DCC: variants seen among roughly 807,000 people sequenced by gnomAD.
The protein encoded by DCC is DCC netrin 1 receptor.
A neutral mutation model predicts 172.5 loss-of-function variants in DCC; 58 were observed. The observed-to-expected ratio is 0.34, with a 90% CI of 0.27 to 0.42. The LOEUF is 0.42. DCC is among the 10% of genes least tolerant of loss of function. The pLI is 1.00. For missense variants in DCC, 1,740 were observed against 1,791.0 expected, an observed-to-expected ratio of 0.97 and a Z score of 0.51; for synonymous variants, 709 against 644.5, an observed-to-expected ratio of 1.10 and a Z score of -1.52.
intron 1 of DCC, among the ~76,000 whole-genome samples, chr18:52,545,174 T>TG: frequency 6.6e-6 from 1 of 152,310 alleles, no homozygotes; most frequent in African/African-American, 2.4e-5. Context: ...GAGTTGCTTT[T>TG]GGGATTTAGT....
intron 27 of DCC, among the ~76,000 whole-genome samples, chr18:53,513,570 T>A (rs1028616848): frequency 7.9e-5 from 12 of 151,964 alleles, no homozygotes; most frequent in African/African-American, 2.9e-4. Flanking sequence ...AGGAAACCCA[T>A]CTCACATGCA....
chr18:52,712,922 C>A (rs1568057947), intron 1 of DCC, among the ~76,000 whole-genome samples: 1 of 152,204 alleles, frequency 6.6e-6, no homozygotes, highest in African/African-American at 2.4e-5. Flanking sequence ...CCTGAAGCTT[C>A]ATATTTCTGT....
intron 21 of DCC, among the ~76,000 whole-genome samples, chr18:53,431,020 T>TA (rs1438925360): frequency 6.6e-6 from 1 of 152,102 alleles, no homozygotes; most frequent in African/African-American, 2.4e-5. Context: ...TATGACATTT[T>TA]AAAAATTCAA....
At chr18:53,312,778 C>T (rs1259683830) in intron 13 of DCC, among the ~76,000 whole-genome samples, 3 of 135,372 alleles carry the variant, frequency 2.2e-5, no homozygotes, top group Non-Finnish European at 4.6e-5. Flanking sequence ...CACTGCAGTC[C>T]AGCCTGGGCG....
chr18:53,341,370 A>G lies in DCC; in HGVS notation c.2359+1463A>G, dbSNP rs557633240. 2.0e-5 allele frequency among the ~76,000 whole-genome samples: 3 copies of G among 152,326 alleles called. No homozygotes were observed. The East Asian group carries it at 5.8e-4, about 29-fold the overall frequency. ...CAAAAAAAACTTGCCAGAGGTCTCC[A>G]AATTTAGTCAAGTTGACGCATTTGG... On this transcript the variant is annotated intron_variant, in intron 15 of 28. Transcript: ENST00000442544.
intron 5 of DCC, among the ~76,000 whole-genome samples, chr18:52,984,844 C>A (rs2041267291): frequency 6.6e-6 from 1 of 152,066 alleles, no homozygotes; most frequent in South Asian, 2.1e-4. Flanking sequence ...AATAGATTAT[C>A]TACTTTTAGC....
intron 1 of DCC, among the ~76,000 whole-genome samples, chr18:52,684,307 C>G (rs1254056016): frequency 2.0e-5 from 3 of 152,036 alleles, no homozygotes; most frequent in Non-Finnish European, 4.4e-5. Flanking sequence ...GAATCACAAC[C>G]AGCAATTTAA....
chr18:53,221,569 A>G (rs1201177603), intron 12 of DCC, among the ~76,000 whole-genome samples: 1 of 152,234 alleles, frequency 6.6e-6, no homozygotes, highest in East Asian at 1.9e-4. Context: ...TTATTGGTGA[A>G]TAGATACTAA....
At chr18:53,204,379 AAAAAAT>A (rs1394954218) in intron 9 of DCC, among the ~76,000 whole-genome samples, 2 of 152,012 alleles carry the variant, frequency 1.3e-5, no homozygotes, top group South Asian at 2.1e-4. Flanking sequence ...CAGTATCTAC[AAAAAAT>A]AAAAATAAAA....
chr18:52,778,279 AAAAT>A (rs1328943544), intron 2 of DCC, among the ~76,000 whole-genome samples: 2 of 152,228 alleles, frequency 1.3e-5, no homozygotes, highest in East Asian at 3.8e-4. Context: ...CTAATACATA[AAAAT>A]AAAAGAACTT....
intron 7 of DCC, among the ~76,000 whole-genome samples, chr18:53,067,709 C>G (rs1401853402): frequency 6.6e-6 from 1 of 152,152 alleles, no homozygotes; most frequent in African/African-American, 2.4e-5. Context: ...CCAAATACTT[C>G]AAAATGTTAA....
At chr18:52,551,878 T>G (rs1199316870) in intron 1 of DCC, among the ~76,000 whole-genome samples, 1 of 152,170 alleles carries the variant, frequency 6.6e-6, no homozygotes, top group Non-Finnish European at 1.5e-5. Flanking sequence ...CAGCATTGTC[T>G]ATTCCAATGG....
chr18:52,776,358 GGTTT>G (rs1277430965), intron 2 of DCC, among the ~76,000 whole-genome samples: 8 of 151,392 alleles, frequency 5.3e-5, no homozygotes, highest in Non-Finnish European at 1.0e-4. Context: ...AAATGTATTA[GGTTT>G]GTTAAGAACT....
intron 2 of DCC, among the ~76,000 whole-genome samples, chr18:52,784,224 C>A (rs1481175850): frequency 6.7e-6 from 1 of 150,210 alleles, no homozygotes; most frequent in African/African-American, 2.5e-5. Context: ...TAGCGACCTC[C>A]ATTTCTGTGT....
chr18:52,882,780 C>T (rs992890504), intron 2 of DCC, among the ~76,000 whole-genome samples: 1 of 152,074 alleles, frequency 6.6e-6, no homozygotes. Context: ...CTTACTTGGT[C>T]TCTAACACAG....
chr18:53,313,065 T>C (rs1378708665), intron 13 of DCC, among the ~76,000 whole-genome samples: 1 of 40,226 alleles, frequency 2.5e-5, no homozygotes, highest in Non-Finnish European at 6.6e-5. Flanking sequence ...AAGGAAAGGG[T>C]GGAAAGGAAG....
At chr18:53,160,703 C>T (rs1241324875) in intron 8 of DCC, among the ~76,000 whole-genome samples, 2 of 152,276 alleles carry the variant, frequency 1.3e-5, no homozygotes, top group African/African-American at 2.4e-5. Flanking sequence ...CTCTCACATA[C>T]GCTCCTAATG....
intron 2 of DCC, among the ~76,000 whole-genome samples, chr18:52,824,377 G>A (rs2038467518): frequency 6.6e-6 from 1 of 152,156 alleles, no homozygotes; most frequent in Non-Finnish European, 1.5e-5. Flanking sequence ...CCATTGGTGA[G>A]AAATGTTCTG....
rs777267562 is a variant in DCC at position 53,157,411 on chromosome 18, G to A, written c.1317G>A (p.Leu439=). 3.0e-5 allele frequency: 49 copies of A among 1,613,990 alleles called. No homozygotes were observed. Among genetic ancestry groups the A allele is most frequent in the Middle Eastern group, 1.6e-4 (1 of 6,084 alleles). The part of the protein sequence containing the change: ...PSAPRDVVPV[L]VSSRFVRLSW... ...CTCCCAGAGATGTGGTCCCTGTCTT[G>A]GTTTCCAGCCGATTTGTCCGTCTCA... is the stretch of plus-strand genomic sequence containing the variant. Residue 439 remains leucine (L), a synonymous_variant, in exon 8 of 29, where the codon TTG becomes TTA. Coordinates refer to ENST00000442544, the MANE Select transcript of DCC (RefSeq NM_005215.4).
Sources: allele counts gnomAD v4.1 joint callset (sites outside exome capture counted in the v4.1 genomes callset), GRCh38; gene constraint gnomAD v4.1.1; transcripts MANE v1.5; gene names NCBI Gene and HGNC (gene_info 2026-07-23, HGNC 2026-07-21).